Variants in ETV7 observed in about 807,000 individuals in gnomAD.
The protein encoded by ETV7 is ETS variant transcription factor 7.
A neutral mutation model predicts 39.1 loss-of-function variants in ETV7; 43 were observed. That is an observed-to-expected ratio of 1.10 (90% confidence interval 0.86 to 1.42). The LOEUF (loss-of-function observed/expected upper bound fraction) is 1.42, where lower values mean the gene tolerates loss of function less well. ETV7 is among the 40% of genes most tolerant of loss of function. The probability of loss-of-function intolerance (pLI) is 0.00; values close to 1 mark genes in which losing one functional copy is unlikely to be tolerated. For synonymous variants in ETV7, 196 were observed against 176.6 expected, an observed-to-expected ratio of 1.11 and a Z score of -0.87; for missense variants, 432 against 442.3, an observed-to-expected ratio of 0.98 and a Z score of 0.21.
At chr6:36,363,576 A>C (rs78818239), downstream of ETV7, among the ~76,000 whole-genome samples, 2,363 of 152,358 alleles carry the variant, frequency 0.016, 50 homozygotes, top group South Asian at 0.052. Flanking sequence ...CCCAAAGAGC[A>C]AAAGAACAAA....
At chr6:36,354,510 G>A in exon 8 of ETV7, 1 of 550,908 alleles carries the variant, frequency 1.8e-6, no homozygotes, top group Non-Finnish European at 3.2e-6. Flanking sequence ...TGAAAAAACT[G>A]TTCTTAATCT....
rs749984217 is a variant in ETV7 at position 36,366,427 on chromosome 6, C to A, written c.*218G>T. 5.0e-6 allele frequency: 7 copies of A among 1,412,022 alleles called. No individual in the cohort carries two copies. The highest frequency in any genetic ancestry group is 5.5e-6 in the Non-Finnish European group (6 of 1,085,082). The allele number at this position is 1,412,022 out of a possible 1,614,324, so 87.5% of individuals were successfully genotyped here. A position where few individuals can be genotyped will look rare whatever the true frequency, so the allele number is the denominator to read the frequency against. On this transcript the variant is annotated 3_prime_UTR_variant, in exon 8 of 8. Transcript: ENST00000340181. ...GTAGGGGAGAGTCCATTCCCCTGTA[C>A]CTCATTTAGCCCCAGGATTGCCCTG...
downstream of ETV7, among the ~76,000 whole-genome samples, chr6:36,363,188 G>A (rs941559927): frequency 7.2e-5 from 11 of 152,218 alleles, no homozygotes; most frequent in South Asian, 1.0e-3. Context: ...ATGAAGCCGC[G>A]GACCCTCGCG....
intron 2 of ETV7, among the ~76,000 whole-genome samples, chr6:36,384,529 G>C (rs1773801681): frequency 6.6e-6 from 1 of 152,210 alleles, no homozygotes; most frequent in Non-Finnish European, 1.5e-5. Flanking sequence ...CCAGGGCTCA[G>C]AGGAGAGTTG....
intron 2 of ETV7, among the ~76,000 whole-genome samples, chr6:36,381,764 C>G (rs886912931): frequency 1.3e-5 from 2 of 152,174 alleles, no homozygotes; most frequent in Non-Finnish European, 2.9e-5. Context: ...ACGTTGTGTA[C>G]TGCACAAAGA....
chr6:36,381,977 C>T (rs547104383), intron 2 of ETV7, among the ~76,000 whole-genome samples: 20 of 152,174 alleles, frequency 1.3e-4, no homozygotes, highest in South Asian at 6.2e-4. Flanking sequence ...GGGTCCTCAC[C>T]GCCACATTCC....
At chr6:36,381,453 A>G (rs1773649221) in intron 2 of ETV7, among the ~76,000 whole-genome samples, 1 of 152,210 alleles carries the variant, frequency 6.6e-6, no homozygotes, top group Non-Finnish European at 1.5e-5. Flanking sequence ...GCTCATCACA[A>G]TACCTCGTCA....
intron 5 of ETV7, 87 bp from the exon 6 acceptor site, chr6:36,369,158 C>A: frequency 6.6e-7 from 1 of 1,508,230 alleles, no homozygotes; most frequent in Non-Finnish European, 9.1e-7. Context: ...GGAAGCCTCC[C>A]GGCCAGAGCC....
At chr6:36,378,852 G>C (rs1167380027) in intron 2 of ETV7, among the ~76,000 whole-genome samples, 2 of 152,330 alleles carry the variant, frequency 1.3e-5, no homozygotes, top group South Asian at 2.1e-4. Flanking sequence ...CAGCAAAATT[G>C]CTGCCAGGTG....
In ETV7 at chr6:36,368,949, T is replaced by C. The variant is rs139154340; in HGVS notation, c.787A>G (p.Arg263Gly). ...CTCACCTTGTGATTTCCCCAGAGTC[T>C]GGCGAGCCCATTTGGATCCACAACT... ...FRVVDPNGLA[R>G]LWGNHKNRVN... Residue 263 changes from arginine (R) to glycine (G), a missense_variant, in exon 6 of 8, where the codon AGA becomes GGA. Arg to Gly is a moderately radical substitution (Grantham distance 125). Coordinates refer to ENST00000340181, the MANE Select transcript of ETV7 (RefSeq NM_016135.4). 1.2e-6 allele frequency: 2 copies of C among 1,614,060 alleles called. No individual in the cohort carries two copies. The highest frequency in any genetic ancestry group is 1.7e-6 in the Non-Finnish European group (2 of 1,180,044).
At chr6:36,384,870 G>C (rs373401049) in intron 2 of ETV7, among the ~76,000 whole-genome samples, 1 of 152,078 alleles carries the variant, frequency 6.6e-6, no homozygotes, top group Admixed American at 6.6e-5. Context: ...GCTTGGGCAA[G>C]AGTGAGACTC....
downstream of ETV7, among the ~76,000 whole-genome samples, chr6:36,365,065 C>T (rs927625301): frequency 6.6e-6 from 1 of 152,152 alleles, no homozygotes; most frequent in East Asian, 1.9e-4. Context: ...CCAGTGCAGG[C>T]GCCAGCAGAG....
At chr6:36,378,406 A>G (rs1773484522) in intron 2 of ETV7, among the ~76,000 whole-genome samples, 1 of 152,222 alleles carries the variant, frequency 6.6e-6, no homozygotes, top group Non-Finnish European at 1.5e-5. Context: ...AATGCACTCA[A>G]TAAGAGCAGA....
downstream of ETV7, among the ~76,000 whole-genome samples, chr6:36,363,602 A>G (rs912353699): frequency 7.9e-5 from 12 of 152,358 alleles, no homozygotes; most frequent in Non-Finnish European, 1.2e-4. Context: ...CACGGTGTCA[A>G]AGGGGACCAG....
intron 1 of ETV7, among the ~76,000 whole-genome samples, 178 bp from the exon 2 acceptor site, chr6:36,385,847 T>C (rs535225279): frequency 1.7e-4 from 26 of 152,344 alleles, no homozygotes; most frequent in South Asian, 4.1e-4. Context: ...CAACATTTTG[T>C]ACCCAGTGGA....
At chr6:36,373,377 G>T (rs576401158) in intron 4 of ETV7, 76 bp downstream of exon 4, 41 of 1,421,640 alleles carry the variant, frequency 2.9e-5, no homozygotes, top group Admixed American at 9.3e-5. Context: ...TCATTGCTTC[G>T]CCTTGAGGAT....
At chr6:36,354,707 C>G (rs935156331) in intron 7 of ETV7, 1 of 688,230 alleles carries the variant, frequency 1.5e-6, no homozygotes, top group Non-Finnish European at 2.6e-6. Flanking sequence ...AAAAAAAAAG[C>G]AGTTGGAATT....
chr6:36,376,556 T>A (rs1773363702), intron 2 of ETV7, among the ~76,000 whole-genome samples: 2 of 151,982 alleles, frequency 1.3e-5, no homozygotes, highest in Admixed American at 6.6e-5. Context: ...GGCGGGTGGA[T>A]CACAAAGTCA....
At chr6:36,356,996 C>T (rs1449298803) in intron 7 of ETV7, among the ~76,000 whole-genome samples, 1 of 152,174 alleles carries the variant, frequency 6.6e-6, no homozygotes, top group Non-Finnish European at 1.5e-5. Context: ...GATTGGAAGC[C>T]AGCATGGAGT....
Sources: allele counts gnomAD v4.1 joint callset (sites outside exome capture counted in the v4.1 genomes callset), GRCh38; gene constraint gnomAD v4.1.1; transcripts MANE v1.5; gene names NCBI Gene and HGNC (gene_info 2026-07-23, HGNC 2026-07-21).